The following COL5A1 variants were observed in gnomAD, a reference collection of about 807,000 sequenced individuals.
COL5A1 encodes collagen type V alpha 1 chain, also known as collagen alpha-1(V) chain.
COL5A1 carries 16 observed loss-of-function variants against 263.7 expected under a neutral mutation model. The observed-to-expected ratio is 0.06, with a 90% CI of 0.04 to 0.09. The LOEUF (loss-of-function observed/expected upper bound fraction) is 0.09. Ranked by LOEUF, COL5A1 falls within the 10% of genes least tolerant of loss-of-function variation. The pLI is 1.00. For missense variants in COL5A1, 2,036 were observed against 2,540.5 expected (o/e 0.80, Z 4.27); for synonymous variants, 1,012 against 1,004.5 (o/e 1.01, Z -0.14).
rs142000238 is a variant in COL5A1, at chr9:134,844,779, G to A, written c.*2476G>A. 4.3e-4 allele frequency: 66 copies of A among 152,356 alleles called. No homozygotes were observed. Among genetic ancestry groups the A allele is most frequent in the African/African-American group, 1.6e-3 (65 of 41,580 alleles). 9.4% of individuals were successfully genotyped at this position (152,356 alleles called of 1,614,324 possible). On this transcript the variant is annotated 3_prime_UTR_variant, in exon 66 of 66. Transcript: ENST00000371817. ...ATATCTTAAAATATTCTAAACTTGT[G>A]TAACAAAGGAATAATTAACTGTAAT...
At chr9:134,756,017 C>T (rs1321281247) in intron 16 of COL5A1, among the ~76,000 whole-genome samples, 1 of 152,074 alleles carries the variant, frequency 6.6e-6, no homozygotes, top group Non-Finnish European at 1.5e-5. Context: ...CCTCTGTTCT[C>T]GCTGGCTGGG....
chr9:134,674,594 A>G (rs973742023), intron 1 of COL5A1, among the ~76,000 whole-genome samples: 1 of 152,202 alleles, frequency 6.6e-6, no homozygotes, highest in African/African-American at 2.4e-5. Context: ...ACACTTACAA[A>G]GAATGAATTT....
chr9:134,702,409 T>C (rs1387107468), intron 4 of COL5A1, among the ~76,000 whole-genome samples: 5 of 151,970 alleles, frequency 3.3e-5, no homozygotes, highest in African/African-American at 1.2e-4. Context: ...CTCCTGGCTG[T>C]GTCTACACAT....
Position 134,823,478 on chromosome 9 carries a change from C to A in COL5A1, c.4698+9C>A, listed in dbSNP as rs753030199. On this transcript the variant is annotated intron_variant, in intron 61 of 65. Coordinates refer to ENST00000371817, the MANE Select transcript of COL5A1 (RefSeq NM_000093.5). The stretch of plus-strand genomic sequence containing the variant: ...GACCCCCAGGCCCCCCGGTAAGTAG[C>A]CCTTGAAGCCCAGAAAGCGGGACGG... The A allele has an allele frequency of 6.2e-7, 1 of 1,613,962 alleles. No homozygotes were observed. Among genetic ancestry groups the A allele is most frequent in the Non-Finnish European group, 8.5e-7 (1 of 1,179,924 alleles).
intron 63 of COL5A1, 142 bp from the exon 64 acceptor site, chr9:134,829,834 T>C: frequency 1.1e-6 from 1 of 891,490 alleles, no homozygotes; most frequent in African/African-American, 1.7e-5. Flanking sequence ...CTGAAGGCGC[T>C]CGGTGGGTCC....
rs748680839 is a variant in COL5A1, at chr9:134,841,699, G to A, written c.5371-458G>A. 9.2e-5 allele frequency among the ~76,000 whole-genome samples: 14 copies of A among 152,134 alleles called. No individual in the cohort carries two copies. Among genetic ancestry groups the A allele is most frequent in the African/African-American group, 2.7e-4 (11 of 41,502 alleles). ...CTCAAGGCTCTGCCGGTGCCGCCTC[G>A]GACTCCTTCCTTTTCGAACCTGGAG... On this transcript the variant is annotated intron_variant, in intron 65 of 65. Transcript: ENST00000371817. The surrounding 1 kb of genome is among the most constrained non-coding windows in gnomAD (Gnocchi z 4.8).
intron 65 of COL5A1, among the ~76,000 whole-genome samples, chr9:134,839,169 G>A (rs1478205932): frequency 6.6e-6 from 1 of 152,212 alleles, no homozygotes; most frequent in East Asian, 1.9e-4. Context: ...TGATTGACGG[G>A]GCCGCTGAGC....
Position 134,795,195 on chromosome 9 carries a change from G to A in COL5A1, c.2746-67G>A, listed in dbSNP as rs538689406. ...CATGGTTTAGGGAGCACGTGCCAGG[G>A]GCTGGGGGAAGGCAGTGTCTGTGTG... On this transcript the variant is annotated intron_variant, in intron 33 of 65. Coordinates refer to ENST00000371817, the MANE Select transcript of COL5A1 (RefSeq NM_000093.5). 4.3e-6 allele frequency: 7 copies of A among 1,612,946 alleles called. No homozygotes were observed. The South Asian group carries it at 7.7e-5, about 18-fold the overall frequency.
chr9:134,670,903 G>A (rs1832522480), intron 1 of COL5A1, among the ~76,000 whole-genome samples: 1 of 152,190 alleles, frequency 6.6e-6, no homozygotes, highest in Non-Finnish European at 1.5e-5. Context: ...CCTGGTGGCT[G>A]CACTAAACGC....
chr9:134,691,156 CCTG>C, intron 2 of COL5A1, 77 bp downstream of exon 2: 1 of 1,572,384 alleles, frequency 6.4e-7, no homozygotes, highest in South Asian at 1.1e-5. Context: ...AGCGCTCAAG[CCTG>C]CGTGGTGGCA....
intron 27 of COL5A1, among the ~76,000 whole-genome samples, chr9:134,777,794 G>A (rs1021529694): frequency 6.6e-6 from 1 of 152,158 alleles, no homozygotes; most frequent in Non-Finnish European, 1.5e-5. Context: ...AGGGAGTTTA[G>A]TGCTCCTGGG....
chr9:134,747,646 T>TAC (rs1349049844), intron 11 of COL5A1, among the ~76,000 whole-genome samples: 1,901 of 147,226 alleles, frequency 0.013, 27 homozygotes, highest in African/African-American at 0.029. Context: ...CATGCATTCA[T>TAC]ACACATGCAG....
intron 4 of COL5A1, among the ~76,000 whole-genome samples, chr9:134,710,516 T>C (rs571635449): frequency 0.012 from 1,269 of 105,350 alleles, 11 homozygotes; most frequent in Middle Eastern, 0.033. Flanking sequence ...ATTTGTTGGG[T>C]GCAGTGGTGG....
intron 38 of COL5A1, among the ~76,000 whole-genome samples, chr9:134,802,391 A>T (rs1838146664): frequency 6.6e-6 from 1 of 152,160 alleles, no homozygotes. Context: ...GTGGCAGATC[A>T]GTGTCAGGGG....
Position 134,841,030 on chromosome 9 carries a change from T to C in COL5A1, c.5371-1127T>C, listed in dbSNP as rs1022835761. 6.6e-6 allele frequency among the ~76,000 whole-genome samples: 1 copy of C among 151,874 alleles called. No individual in the cohort carries two copies. Among genetic ancestry groups the C allele is most frequent in the Non-Finnish European group, 1.5e-5 (1 of 67,954 alleles). The stretch of plus-strand genomic sequence containing the variant: ...GCTATCCGAATCTCCGGCCTGGGAG[T>C]CTGCGCTGGGCCCTCTGCAGGGCTG... On this transcript the variant is annotated intron_variant, in intron 65 of 65. Transcript: ENST00000371817. The surrounding 1 kb of genome is among the most constrained non-coding windows in gnomAD (Gnocchi z 4.8).
At chr9:134,760,695 GCACACACA>G (rs552716100) in intron 18 of COL5A1, among the ~76,000 whole-genome samples, 2 of 70,912 alleles carry the variant, frequency 2.8e-5, no homozygotes, top group Non-Finnish European at 5.2e-5. Context: ...ACTCATACAT[GCACACACA>G]CACCCACACA....
At position 134,682,311 on chromosome 9, in the gene COL5A1, G is replaced by A. The variant is rs773110681; in HGVS notation, c.110-8601G>A. 4.6e-5 allele frequency among the ~76,000 whole-genome samples: 7 copies of A among 152,278 alleles called. No homozygotes were observed. Among genetic ancestry groups the A allele is most frequent in the Middle Eastern group, 6.8e-3 (2 of 294 alleles). ...GCTGCCTGGAGGCCGGGTCCTGAGC[G>A]GAGCACTCTGTACCTGTGTCACCCA... On this transcript the variant is annotated intron_variant, in intron 1 of 65. Coordinates refer to ENST00000371817, the MANE Select transcript of COL5A1 (RefSeq NM_000093.5). This position sits in a 1 kb window ranked among gnomAD's most constrained non-coding sequence, Gnocchi z 5.1.
chr9:134,742,731 C>T lies in COL5A1; in HGVS notation c.1494+3923C>T, dbSNP rs929190715. On this transcript the variant is annotated intron_variant, in intron 11 of 65. Transcript: ENST00000371817. The surrounding 1 kb of genome is among the most constrained non-coding windows in gnomAD (Gnocchi z 4.6). ...GTTTCTGTAGGGGCTGACTCTTTTG[C>T]GCATCCGGGAATATAGTGAGATATC... is the stretch of plus-strand genomic sequence containing the variant. Among the ~76,000 whole-genome samples, 4 of 152,168 alleles carry T rather than the reference C, an allele frequency of 2.6e-5. No homozygotes were observed. Among genetic ancestry groups the T allele is most frequent in the South Asian group, 2.1e-4 (1 of 4,824 alleles).
intron 60 of COL5A1, 66 bp downstream of exon 60, chr9:134,823,099 C>T: frequency 1.3e-6 from 2 of 1,570,680 alleles, no homozygotes; most frequent in Non-Finnish European, 1.8e-6. Context: ...GGTCCCCTGG[C>T]ACGGGAACAA....
Sources: allele counts gnomAD v4.1 joint callset (sites outside exome capture counted in the v4.1 genomes callset), GRCh38; gene constraint gnomAD v4.1.1; non-coding constraint Gnocchi (gnomAD v3.1); transcripts MANE v1.5; gene names NCBI Gene and HGNC (gene_info 2026-07-23, HGNC 2026-07-21).